The following INMT variants were observed in gnomAD, a reference collection of about 807,000 sequenced individuals.
INMT encodes the protein amine N-methyltransferase.
A neutral mutation model predicts 11.5 loss-of-function variants in INMT; 11 were observed. That is an observed-to-expected ratio of 0.95 (90% CI 0.60 to 1.58). INMT has a LOEUF of 1.58. INMT is among the 40% of genes most tolerant of loss of function. INMT has a pLI of 0.00. For synonymous variants in INMT, 155 were observed against 142.9 expected, an observed-to-expected ratio of 1.08 and a Z score of -0.60; for missense variants, 316 against 336.1, an observed-to-expected ratio of 0.94 and a Z score of 0.47.
chr7:30,753,956 G>T lies in INMT; in HGVS notation c.362+18G>T. On this transcript the variant is annotated intron_variant, in intron 2 of 2. Coordinates refer to ENST00000013222, the MANE Select transcript of INMT (RefSeq NM_006774.5). ...GGAAACAGGTAGGGGTGCAGAGGTT[G>T]GGGAGGGGGTTCCCAGTCAACCTTC... 1 of 1,610,124 alleles carries T rather than the reference G, an allele frequency of 6.2e-7. No individual in the cohort carries two copies. The highest frequency in any genetic ancestry group is 1.1e-5 in the South Asian group (1 of 90,892).
rs932653497 is a variant in INMT, at chr7:30,756,918, C to G, written c.*1067C>G. 2.0e-5 allele frequency: 3 copies of G among 152,220 alleles called. No individual in the cohort carries two copies. Among genetic ancestry groups the G allele is most frequent in the Non-Finnish European group, 4.4e-5 (3 of 68,054 alleles). The allele number at this position is 152,220 out of a possible 1,614,324, so 9.4% of individuals were successfully genotyped here. A position where few individuals can be genotyped will look rare whatever the true frequency, so the allele number is the denominator to read the frequency against. The stretch of plus-strand genomic sequence containing the variant: ...ACCACTGCCTCTAGACTAAGGTCAG[C>G]AGATTTAGCAAATACAGACTGCCCC... On this transcript the variant is annotated 3_prime_UTR_variant, in exon 3 of 3. Transcript: ENST00000013222.
intron 1 of INMT, among the ~76,000 whole-genome samples, chr7:30,752,803 A>G (rs924068407): frequency 2.6e-5 from 4 of 152,046 alleles, no homozygotes; most frequent in Non-Finnish European, 5.9e-5. Flanking sequence ...AGGGGCTCAG[A>G]CCCCAAGGAC....
chr7:30,755,154 T>C (rs576583338), intron 2 of INMT, among the ~76,000 whole-genome samples: 1 of 152,340 alleles, frequency 6.6e-6, no homozygotes, highest in East Asian at 1.9e-4. Context: ...GGTGGCTTTG[T>C]CCATCCTGGG....
At position 30,752,267 on chromosome 7, in the gene INMT, G is replaced by A; in HGVS notation, c.117G>A (p.Lys39=). 6 of 1,614,154 alleles carry A rather than the reference G, an allele frequency of 3.7e-6. No individual in the cohort carries two copies. Among genetic ancestry groups the A allele is most frequent in the Non-Finnish European group, 5.1e-6 (6 of 1,180,008 alleles). Residue 39 remains lysine (K), a synonymous_variant, in exon 1 of 3, where the codon AAG becomes AAA. Transcript: ENST00000013222. ...CCTCACCCGAGGCCGAGATGCTGAA[G>A]TTTAACTTGGAATGTCTCCACAAGA... ...GSPSPEAEML[K]FNLECLHKTF...
chr7:30,755,909 T>C lies in INMT; in HGVS notation c.*58T>C. 1 of 1,543,224 alleles carries C rather than the reference T, an allele frequency of 6.5e-7. No homozygotes were observed. Among genetic ancestry groups the C allele is most frequent in the Non-Finnish European group, 8.7e-7 (1 of 1,148,714 alleles). The stretch of plus-strand genomic sequence containing the variant: ...TGTGAGGCCTTGGCCATCTGTATGC[T>C]AGAGAGGGGTGAGGAATGGATACTG... On this transcript the variant is annotated 3_prime_UTR_variant, in exon 3 of 3. Transcript: ENST00000013222.
At position 30,753,891 on chromosome 7, in the gene INMT, T is replaced by C; in HGVS notation, c.315T>C (p.Tyr105=). The change falls in exon 2 of 3, where the codon TAT becomes TAC. Residue 105 remains tyrosine, a synonymous_variant. Coordinates refer to ENST00000013222, the MANE Select transcript of INMT (RefSeq NM_006774.5). The part of the protein sequence containing the change: ...EKWLKKEPGA[Y]DWTPAVKFAC... ...GGCTGAAGAAGGAGCCGGGGGCCTA[T>C]GACTGGACCCCAGCGGTGAAATTCG... 1 of 1,614,182 alleles carries C rather than the reference T, an allele frequency of 6.2e-7. No individual in the cohort carries two copies. The highest frequency in any genetic ancestry group is 1.1e-5 in the South Asian group (1 of 91,088).
chr7:30,756,212 C>A lies in INMT; in HGVS notation c.*361C>A. The A allele has an allele frequency of 9.7e-7, 1 of 1,026,626 alleles. No individual in the cohort carries two copies. Among genetic ancestry groups the A allele is most frequent in the African/African-American group, 1.7e-5 (1 of 58,756 alleles). 63.6% of individuals were successfully genotyped at this position (1,026,626 alleles called of 1,614,324 possible). Reference sequence around the variant, plus strand: ...ACCTAATATGTTAAGGACAAGGAAACCTCTGGACAGTGGTATATTGGGGAA... The same window carrying A: ...ACCTAATATGTTAAGGACAAGGAAAACTCTGGACAGTGGTATATTGGGGAA... On this transcript the variant is annotated 3_prime_UTR_variant, in exon 3 of 3. Transcript: ENST00000013222.
chr7:30,754,759 C>G lies in INMT; in HGVS notation c.363-663C>G, dbSNP rs980921374. 4.6e-5 allele frequency among the ~76,000 whole-genome samples: 7 copies of G among 152,136 alleles called. No individual in the cohort carries two copies. On this transcript the variant is annotated intron_variant, in intron 2 of 2. Transcript: ENST00000013222. This position sits in a 1 kb window ranked among gnomAD's most constrained non-coding sequence, Gnocchi z 4.9. ...CTATTGTCTGTACCTGTGTGACTGA[C>G]TATATAATGTATAATGACGTGAACT...
Position 30,756,025 on chromosome 7 carries a change from T to C in INMT, c.*174T>C, listed in dbSNP as rs1437178509. On this transcript the variant is annotated 3_prime_UTR_variant, in exon 3 of 3. Coordinates refer to ENST00000013222, the MANE Select transcript of INMT (RefSeq NM_006774.5). ...GTTTTAGAATTCTAAGTTTCCAACA[T>C]TCCTCATTCTAGGATCCTAGGAGTG... The C allele has an allele frequency of 7.1e-7, 1 of 1,414,282 alleles. No individual in the cohort carries two copies. The highest frequency in any genetic ancestry group is 9.2e-7 in the Non-Finnish European group (1 of 1,088,246). The allele number at this position is 1,414,282 out of a possible 1,614,324, so 87.6% of individuals were successfully genotyped here. A position where few individuals can be genotyped will look rare whatever the true frequency, so the allele number is the denominator to read the frequency against.
chr7:30,755,464 G>C lies in INMT; in HGVS notation c.405G>C (p.Val135=). 6 of 1,600,552 alleles carry C rather than the reference G, an allele frequency of 3.7e-6. No individual in the cohort carries two copies. Among genetic ancestry groups the C allele is most frequent in the Non-Finnish European group, 5.1e-6 (6 of 1,179,856 alleles). Reference sequence around the variant, plus strand: ...AGGAGGAGAAGCTGCGGGCAGCGGTGAAGCGGGTGCTCAAGTGCGATGTCC... The same window carrying C: ...AGGAGGAGAAGCTGCGGGCAGCGGTCAAGCGGGTGCTCAAGTGCGATGTCC... ...EEKEEKLRAA[V]KRVLKCDVHL... The change falls in exon 3 of 3, where the codon GTG becomes GTC. Residue 135 remains valine, a synonymous_variant. Transcript: ENST00000013222.
rs532874047 is a variant in INMT at position 30,755,300 on chromosome 7, G to A, written c.363-122G>A. The A allele has an allele frequency of 2.2e-4, 185 of 846,202 alleles. 3 individuals are homozygous for A. In the South Asian group the frequency reaches 3.0e-3, roughly 14 times the overall value. 52.4% of individuals were successfully genotyped at this position (846,202 alleles called of 1,614,324 possible). ...GAAGAGCCTGCTGTCAGGTCACACA[G>A]GGACTCAGGGACAGCAATCCTTTGG... On this transcript the variant is annotated intron_variant, in intron 2 of 2. Transcript: ENST00000013222.
In INMT at chr7:30,754,953, C is replaced by T. The variant is rs1447862798; in HGVS notation, c.363-469C>T. Among the ~76,000 whole-genome samples, 1 of 152,158 alleles carries T rather than the reference C, an allele frequency of 6.6e-6. No homozygotes were observed. The highest frequency in any genetic ancestry group is 1.5e-5 in the Non-Finnish European group (1 of 68,036). ...GCATACTTATGTATATCTAAACAAT[C>T]TATAATTTAGTTTTAGTCGCCTTTG... On this transcript the variant is annotated intron_variant, in intron 2 of 2. Transcript: ENST00000013222. The surrounding 1 kb of genome is among the most constrained non-coding windows in gnomAD (Gnocchi z 4.9).
Position 30,752,180 on chromosome 7 carries a change from G to C in INMT, c.30G>C (p.Glu10Asp), listed in dbSNP as rs560903764. 2 of 1,614,072 alleles carry C rather than the reference G, an allele frequency of 1.2e-6. No homozygotes were observed. The highest frequency in any genetic ancestry group is 2.2e-5 in the South Asian group (2 of 91,086). Residue 10 changes from glutamate to aspartate, a missense_variant, in exon 1 of 3, where the codon GAG (glutamate) becomes GAC (aspartate). Physicochemically the swap from Glu to Asp is conservative, Grantham distance 45. Coordinates refer to ENST00000013222, the MANE Select transcript of INMT (RefSeq NM_006774.5). MKGGFTGGD[E>D]YQKHFLPRDY... ...AGGGTGGCTTCACTGGGGGTGATGA[G>C]TACCAGAAGCACTTCCTGCCCAGGG... is the stretch of plus-strand genomic sequence containing the variant.
At chr7:30,753,967 TC>T in intron 2 of INMT, 29 bp downstream of exon 2, 1 of 1,604,220 alleles carries the variant, frequency 6.2e-7, no homozygotes, top group Non-Finnish European at 8.5e-7. Context: ...GGGAGGGGGT[TC>T]CCAGTCAACC....
chr7:30,755,003 C>G (rs1786196551), intron 2 of INMT, among the ~76,000 whole-genome samples: 1 of 152,062 alleles, frequency 6.6e-6, no homozygotes, highest in African/African-American at 2.4e-5. Flanking sequence ...GTAATTTGCT[C>G]TGTGTCATTT....
chr7:30,755,022 C>T (rs1046938097), intron 2 of INMT, among the ~76,000 whole-genome samples: 1 of 152,102 alleles, frequency 6.6e-6, no homozygotes, highest in Non-Finnish European at 1.5e-5. Context: ...TTGCGATTTG[C>T]TTTTCATCAC....
rs926281175 is a variant in INMT at position 30,752,313 on chromosome 7, A to T, written c.154+9A>T. On this transcript the variant is annotated intron_variant, in intron 1 of 2. Transcript: ENST00000013222. ...CAAGACCTTCGGCCCTGGTGAGCAGAGGGTGGCCCTTCCCCTTGAGCCTCT... is the reference window on the plus strand; with the variant it reads ...CAAGACCTTCGGCCCTGGTGAGCAGTGGGTGGCCCTTCCCCTTGAGCCTCT... The T allele has an allele frequency of 1.2e-6, 2 of 1,610,746 alleles. No individual in the cohort carries two copies. The highest frequency in any genetic ancestry group is 1.7e-6 in the Non-Finnish European group (2 of 1,177,482).
Position 30,755,714 on chromosome 7 carries a change from G to A in INMT, c.655G>A (p.Glu219Lys). The A allele has an allele frequency of 1.2e-6, 2 of 1,614,258 alleles. No homozygotes were observed. Among genetic ancestry groups the A allele is most frequent in the Non-Finnish European group, 1.7e-6 (2 of 1,180,042 alleles). Residue 219 changes from glutamate (E) to lysine (K), a missense_variant, in exon 3 of 3, where the codon GAG (glutamate) becomes AAG (lysine). By Grantham distance (56) the Glu-to-Lys change is moderately conservative. Coordinates refer to ENST00000013222, the MANE Select transcript of INMT (RefSeq NM_006774.5). ...REFSCVALEK[E>K]EVEQAVLDAG... Reference sequence around the variant, plus strand: ...ATTTTCCTGCGTGGCCCTGGAGAAAGAGGAGGTGGAGCAGGCTGTCCTGGA... The same window carrying A: ...ATTTTCCTGCGTGGCCCTGGAGAAAAAGGAGGTGGAGCAGGCTGTCCTGGA...
chr7:30,754,077 G>A lies in INMT; in HGVS notation c.362+139G>A. 2.5e-6 allele frequency: 2 copies of A among 810,720 alleles called. No homozygotes were observed. Among genetic ancestry groups the A allele is most frequent in the South Asian group, 1.8e-5 (1 of 55,882 alleles). 50.2% of individuals were successfully genotyped at this position (810,720 alleles called of 1,614,324 possible). ...GACCAGATGTCCTGTGGTGGGGATA[G>A]AGTAGATGGAATCCCAAGTTTCAGG... On this transcript the variant is annotated intron_variant, in intron 2 of 2. Coordinates refer to ENST00000013222, the MANE Select transcript of INMT (RefSeq NM_006774.5). The surrounding 1 kb of genome is among the most constrained non-coding windows in gnomAD (Gnocchi z 4.9).
Sources: allele counts gnomAD v4.1 joint callset (sites outside exome capture counted in the v4.1 genomes callset), GRCh38; gene constraint gnomAD v4.1.1; non-coding constraint Gnocchi (gnomAD v3.1); transcripts MANE v1.5; gene names NCBI Gene and HGNC (gene_info 2026-07-23, HGNC 2026-07-21).